Variants in RNFT2 observed in about 807,000 individuals in gnomAD.
RNFT2 encodes E3 ubiquitin-protein ligase RNFT2.
Under a neutral mutation model 53.0 loss-of-function variants are expected in RNFT2, and 36 were observed. That is an observed-to-expected ratio of 0.68 (90% CI 0.52 to 0.90). The LOEUF is 0.90. Ranked by LOEUF, RNFT2 falls within the 40% of genes least tolerant of loss-of-function variation. RNFT2 has a pLI of 0.00. For synonymous variants in RNFT2, 260 were observed against 253.2 expected (o/e 1.03, Z -0.26); for missense variants, 514 against 585.6 (o/e 0.88, Z 1.26).
chr12:116,810,990 C>T (rs1875344242), intron 7 of RNFT2, among the ~76,000 whole-genome samples: 1 of 152,230 alleles, frequency 6.6e-6, no homozygotes, highest in South Asian at 2.1e-4. Context: ...AGAGCTTGGG[C>T]TCTGGAGTCA....
chr12:116,815,715 G>A (rs778080195), intron 7 of RNFT2, among the ~76,000 whole-genome samples: 27 of 152,150 alleles, frequency 1.8e-4, no homozygotes, highest in Non-Finnish European at 2.8e-4. Context: ...GCCCTGTAAG[G>A]TACCAAATTC....
At chr12:116,788,826 A>AGATGGATGGATGGATG (rs10579272) in intron 7 of RNFT2, among the ~76,000 whole-genome samples, 4,566 of 150,016 alleles carry the variant, frequency 0.03, 220 homozygotes, top group African/African-American at 0.11. Flanking sequence ...ATGGATGGAT[A>AGATGGATGGATGGATG]GATGGATGGA....
At chr12:116,786,748 C>G (rs1873953931) in intron 7 of RNFT2, among the ~76,000 whole-genome samples, 1 of 152,214 alleles carries the variant, frequency 6.6e-6, no homozygotes, top group Non-Finnish European at 1.5e-5. Flanking sequence ...TCTCACAGTT[C>G]TGGAAGCCAG....
intron 5 of RNFT2, among the ~76,000 whole-genome samples, chr12:116,764,183 G>A (rs1237897396): frequency 6.6e-6 from 1 of 152,150 alleles, no homozygotes; most frequent in East Asian, 1.9e-4. Flanking sequence ...ATGATACAGT[G>A]GACTTTGGGG....
intron 6 of RNFT2, 93 bp from the exon 7 acceptor site, chr12:116,779,102 C>T (rs1873569782): frequency 7.5e-7 from 1 of 1,339,836 alleles, no homozygotes; most frequent in Non-Finnish European, 1.1e-6. Context: ...GCTCTTTCTA[C>T]AGGTGATACT....
At chr12:116,785,284 G>T (rs1873887828) in intron 7 of RNFT2, among the ~76,000 whole-genome samples, 1 of 82,540 alleles carries the variant, frequency 1.2e-5, no homozygotes, top group African/African-American at 8.6e-5. Context: ...TGGCGGGGGG[G>T]GGTTGTTTGT....
At chr12:116,810,662 A>G (rs1875328448) in intron 7 of RNFT2, among the ~76,000 whole-genome samples, 1 of 152,112 alleles carries the variant, frequency 6.6e-6, no homozygotes, top group African/African-American at 2.4e-5. Context: ...GGAATTAATC[A>G]TCAAGCTAAG....
intron 5 of RNFT2, chr12:116,755,407 A>T (rs1175401823): frequency 2.4e-5 from 23 of 974,624 alleles, no homozygotes; most frequent in Non-Finnish European, 3.3e-5. Context: ...CCATGAATTC[A>T]CAGGGAATAG....
Position 116,852,175 on chromosome 12 carries a change from C to A in RNFT2, c.*2727C>A. 2 of 1,172,788 alleles carry A rather than the reference C, an allele frequency of 1.7e-6. No individual in the cohort carries two copies. Among genetic ancestry groups the A allele is most frequent in the Non-Finnish European group, 1.1e-6 (1 of 888,638 alleles). The allele number at this position is 1,172,788 out of a possible 1,614,324, so 72.6% of individuals were successfully genotyped here. A position where few individuals can be genotyped will look rare whatever the true frequency, so the allele number is the denominator to read the frequency against. ...CCTCCCAAGTCTGTTCTCTTATTGT[C>A]AACCTCAGCACAACAGGCTGGCGCC... On this transcript the variant is annotated 3_prime_UTR_variant, in exon 11 of 11. Transcript: ENST00000257575.
intron 6 of RNFT2, among the ~76,000 whole-genome samples, chr12:116,767,439 G>T (rs754533298): frequency 7.2e-5 from 11 of 151,944 alleles, no homozygotes; most frequent in Admixed American, 2.0e-4. Context: ...GGCTGGGCTC[G>T]GACCTCTGAG....
intron 5 of RNFT2, chr12:116,755,475 G>C: frequency 9.1e-7 from 1 of 1,095,242 alleles, no homozygotes; most frequent in Non-Finnish European, 1.4e-6. Context: ...TCTCTGGGTG[G>C]AGCAGGCTGG....
chr12:116,784,557 G>A (rs1006605477), intron 7 of RNFT2, among the ~76,000 whole-genome samples: 4 of 152,184 alleles, frequency 2.6e-5, no homozygotes, highest in Admixed American at 6.5e-5. Flanking sequence ...ATGAGGCATA[G>A]TAGACCCATT....
At chr12:116,835,471 C>T (rs1020281371) in intron 8 of RNFT2, among the ~76,000 whole-genome samples, 3 of 152,160 alleles carry the variant, frequency 2.0e-5, no homozygotes, top group Non-Finnish European at 2.9e-5. Context: ...TTTGGTTCTC[C>T]ATTTCTGGCT....
rs775681513 is a variant in RNFT2 at position 116,849,494 on chromosome 12, C to T, written c.*46C>T. On this transcript the variant is annotated 3_prime_UTR_variant, in exon 11 of 11. Transcript: ENST00000257575. Reference sequence around the variant, plus strand: ...CAGAAGGACGCCAAGGGTCAGCATGCCCGGACCCAGCCCTGCGGGGGCTTC... The same window carrying T: ...CAGAAGGACGCCAAGGGTCAGCATGTCCGGACCCAGCCCTGCGGGGGCTTC... 4.5e-6 allele frequency: 7 copies of T among 1,544,812 alleles called. No homozygotes were observed. Among genetic ancestry groups the T allele is most frequent in the Non-Finnish European group, 6.1e-6 (7 of 1,143,046 alleles).
At chr12:116,800,415 C>T (rs1295264504) in intron 7 of RNFT2, among the ~76,000 whole-genome samples, 2 of 151,838 alleles carry the variant, frequency 1.3e-5, no homozygotes, top group African/African-American at 4.8e-5. Context: ...GGCAGATCAC[C>T]TGAGGTCACG....
chr12:116,774,049 A>G (rs2137109967), intron 6 of RNFT2, among the ~76,000 whole-genome samples: 1 of 152,360 alleles, frequency 6.6e-6, no homozygotes, highest in South Asian at 2.1e-4. Context: ...CCAGATAAAA[A>G]AGGACATTAA....
chr12:116,783,423 G>C (rs1432672303), intron 7 of RNFT2, among the ~76,000 whole-genome samples: 1 of 152,170 alleles, frequency 6.6e-6, no homozygotes. Context: ...TGACAGGTCT[G>C]GCCAGTGAAG....
chr12:116,771,146 A>G (rs901119371), intron 6 of RNFT2, among the ~76,000 whole-genome samples: 2 of 152,078 alleles, frequency 1.3e-5, no homozygotes, highest in Non-Finnish European at 2.9e-5. Context: ...TAAAATATTA[A>G]CAGTGGTCCT....
intron 7 of RNFT2, among the ~76,000 whole-genome samples, chr12:116,815,269 A>G (rs1875593769): frequency 6.6e-6 from 1 of 152,182 alleles, no homozygotes; most frequent in Non-Finnish European, 1.5e-5. Context: ...ATGACAGTCT[A>G]ACTATTTCTT....
Sources: allele counts gnomAD v4.1 joint callset (sites outside exome capture counted in the v4.1 genomes callset), GRCh38; gene constraint gnomAD v4.1.1; transcripts MANE v1.5; gene names NCBI Gene and HGNC (gene_info 2026-07-23, HGNC 2026-07-21).